The following GRIN3A variants were observed in gnomAD, a reference collection of about 807,000 sequenced individuals.
GRIN3A encodes glutamate ionotropic receptor NMDA type subunit 3A.
Under a neutral mutation model 92.4 loss-of-function variants are expected in GRIN3A, and 47 were observed. That is an observed-to-expected ratio of 0.51 (90% confidence interval 0.40 to 0.65). GRIN3A has a LOEUF of 0.65. Among genes scored for constraint, GRIN3A ranks in the 30% least tolerant of loss-of-function variants. The pLI, the probability that GRIN3A is intolerant of heterozygous loss-of-function variation, is 0.00. For missense variants in GRIN3A, 1,324 were observed against 1,393.1 expected (o/e 0.95, Z 0.79); for synonymous variants, 527 against 540.6 (o/e 0.97, Z 0.35).
intron 6 of GRIN3A, among the ~76,000 whole-genome samples, chr9:101,608,116 A>T (rs147555539): frequency 7.2e-5 from 11 of 152,306 alleles, no homozygotes; most frequent in African/African-American, 2.6e-4. Context: ...AGGATACACC[A>T]TACAGCCGAC....
At position 101,613,474 on chromosome 9, in the gene GRIN3A, G is replaced by A. The variant is rs759802464; in HGVS notation, c.2668C>T (p.Leu890=). ...CCATGTGACTTGTATTGACTGATTA[G>A]CTCGGATATGTTGGCGGTCAATGGA... ...NSPLTANISE[L]ISQYKSHGFM... is the part of the protein sequence containing the mutation. Residue 890 remains leucine (L), a synonymous_variant, in exon 6 of 9, where the codon CTA becomes TTA. Transcript: ENST00000361820. The A allele has an allele frequency of 6.2e-7, 1 of 1,614,164 alleles. No homozygotes were observed. Among genetic ancestry groups the A allele is most frequent in the Non-Finnish European group, 8.5e-7 (1 of 1,179,998 alleles).
chr9:101,734,100 AT>A (rs1004253956), intron 1 of GRIN3A, among the ~76,000 whole-genome samples: 2 of 152,244 alleles, frequency 1.3e-5, no homozygotes, highest in African/African-American at 2.4e-5. Flanking sequence ...TGAGGTGTAT[AT>A]TTTTTTTAAA....
In GRIN3A at chr9:101,698,815, C is replaced by T. The variant is rs553030563; in HGVS notation, c.700-11615G>A. ...TCCCAAGTAGATGGGACTACAGGTG[C>T]GAGCCACCACGCCTGGCTAATTTCT... On this transcript the variant is annotated intron_variant, in intron 1 of 8. Transcript: ENST00000361820. Among the ~76,000 whole-genome samples the T allele has an allele frequency of 6.3e-4, 95 of 151,960 alleles. 1 individual carries two copies. In the Middle Eastern group the frequency reaches 0.017, roughly 27 times the overall value.
At chr9:101,623,835 T>C (rs530183400) in intron 4 of GRIN3A, among the ~76,000 whole-genome samples, 1 of 152,338 alleles carries the variant, frequency 6.6e-6, no homozygotes, top group South Asian at 2.1e-4. Flanking sequence ...GACTGTGATA[T>C]AACAGATGAG....
chr9:101,661,861 C>T (rs1829176123), intron 3 of GRIN3A, among the ~76,000 whole-genome samples: 1 of 151,830 alleles, frequency 6.6e-6, no homozygotes, highest in African/African-American at 2.4e-5. Flanking sequence ...TGTGCTTCCA[C>T]TAAGGTTGAG....
intron 3 of GRIN3A, among the ~76,000 whole-genome samples, chr9:101,652,969 G>C: frequency 6.6e-6 from 1 of 151,798 alleles, no homozygotes; most frequent in African/African-American, 2.4e-5. Context: ...AAGAATTTTC[G>C]TTTGAGCTAA....
At chr9:101,578,483 A>C (rs1347791380) in intron 7 of GRIN3A, among the ~76,000 whole-genome samples, 1 of 152,232 alleles carries the variant, frequency 6.6e-6, no homozygotes, top group Non-Finnish European at 1.5e-5. Context: ...GGAGGGCAGG[A>C]GGTGGTCTCA....
chr9:101,628,667 C>A (rs2118879237), intron 3 of GRIN3A, among the ~76,000 whole-genome samples: 1 of 152,180 alleles, frequency 6.6e-6, no homozygotes, highest in African/African-American at 2.4e-5. Flanking sequence ...TATTAGAATT[C>A]TTTAGAAGCC....
At chr9:101,641,531 C>T (rs1409675746) in intron 3 of GRIN3A, among the ~76,000 whole-genome samples, 1 of 150,014 alleles carries the variant, frequency 6.7e-6, no homozygotes, top group Non-Finnish European at 1.5e-5. Flanking sequence ...ATCGCAAGAA[C>T]AAAAAACCAA....
intron 2 of GRIN3A, among the ~76,000 whole-genome samples, chr9:101,686,211 T>C (rs1231258179): frequency 6.6e-6 from 1 of 152,190 alleles, no homozygotes; most frequent in African/African-American, 2.4e-5. Flanking sequence ...CTAAGCATGG[T>C]ATTAGGTACT....
In GRIN3A at chr9:101,738,299, G is replaced by A; in HGVS notation, c.-320C>T. ...TCCCTGCCCGCCCCATCTGCAGGGCGCCTCGGGCACTGCGTCCGGCCCCGC... is the reference window on the plus strand; with the variant it reads ...TCCCTGCCCGCCCCATCTGCAGGGCACCTCGGGCACTGCGTCCGGCCCCGC... On this transcript the variant is annotated 5_prime_UTR_variant, in exon 1 of 9. Coordinates refer to ENST00000361820, the MANE Select transcript of GRIN3A (RefSeq NM_133445.3). The A allele has an allele frequency of 2.5e-6, 1 of 394,144 alleles. No homozygotes were observed. The highest frequency in any genetic ancestry group is 4.6e-6 in the Non-Finnish European group (1 of 216,914). 24.4% of individuals were successfully genotyped at this position (394,144 alleles called of 1,614,324 possible).
intron 1 of GRIN3A, among the ~76,000 whole-genome samples, chr9:101,697,479 C>T (rs1046108697): frequency 7.2e-5 from 11 of 152,136 alleles, no homozygotes; most frequent in Non-Finnish European, 8.8e-5. Context: ...AGGTCTGTGT[C>T]TTTCAGGAAG....
At chr9:101,599,182 C>T (rs921317738) in intron 6 of GRIN3A, among the ~76,000 whole-genome samples, 4 of 152,142 alleles carry the variant, frequency 2.6e-5, no homozygotes, top group Admixed American at 6.5e-5. Context: ...CTTCATCTAC[C>T]GATGTGTTAT....
chr9:101,579,961 G>A (rs1428246456), intron 6 of GRIN3A, among the ~76,000 whole-genome samples: 1 of 152,154 alleles, frequency 6.6e-6, no homozygotes, highest in East Asian at 1.9e-4. Flanking sequence ...GATGCATAGT[G>A]AGGGTTTTCA....
At position 101,623,403 on chromosome 9, in the gene GRIN3A, G is replaced by C; in HGVS notation, c.2529C>G (p.Ile843Met). The C allele has an allele frequency of 6.2e-7, 1 of 1,612,958 alleles. No individual in the cohort carries two copies. Among genetic ancestry groups the C allele is most frequent in the Non-Finnish European group, 8.5e-7 (1 of 1,178,900 alleles). The change falls in exon 5 of 9, where the codon ATC becomes ATG. Residue 843 changes from isoleucine to methionine, a missense_variant. Coordinates refer to ENST00000361820, the MANE Select transcript of GRIN3A (RefSeq NM_133445.3). The stretch of plus-strand genomic sequence containing the variant: ...CATAATCCAGAAGGGCTTTGTCCAT[G>C]ATGAAGGCGTCTAGTTTCTCTGGAT... ...KNDPEKLDAF[I>M]MDKALLDYEV...
intron 6 of GRIN3A, among the ~76,000 whole-genome samples, chr9:101,601,311 G>A (rs1053037406): frequency 2.0e-5 from 3 of 152,266 alleles, no homozygotes; most frequent in East Asian, 1.9e-4. Context: ...GAAAGCACAC[G>A]TTTTATCAAA....
intron 3 of GRIN3A, among the ~76,000 whole-genome samples, chr9:101,637,468 C>A (rs1828800940): frequency 6.6e-6 from 1 of 152,166 alleles, no homozygotes; most frequent in Admixed American, 6.5e-5. Flanking sequence ...GGAGCATGGG[C>A]TAGAGAAAAC....
chr9:101,591,188 A>G (rs1828019125), intron 6 of GRIN3A, among the ~76,000 whole-genome samples: 1 of 152,232 alleles, frequency 6.6e-6, no homozygotes, highest in Non-Finnish European at 1.5e-5. Flanking sequence ...CAAAGGTGGA[A>G]CATGGCTTAA....
chr9:101,709,611 A>G (rs1437305194), intron 1 of GRIN3A, among the ~76,000 whole-genome samples: 1 of 152,228 alleles, frequency 6.6e-6, no homozygotes, highest in Non-Finnish European at 1.5e-5. Flanking sequence ...CTTGCTCGGT[A>G]AAATAAATTA....
Sources: gnomAD v4.1 joint callset for allele counts (sites outside exome capture counted in the v4.1 genomes callset) on GRCh38, gnomAD v4.1.1 for gene constraint, MANE v1.5 for transcripts, NCBI Gene and HGNC (gene_info 2026-07-23, HGNC 2026-07-21) for gene names.